The following QSOX1 variants were observed in gnomAD, a reference collection of about 807,000 sequenced individuals.
QSOX1 encodes sulfhydryl oxidase 1.
In QSOX1, 40 loss-of-function variants were observed where a neutral mutation model predicts 76.1. That is an observed-to-expected ratio of 0.53 (90% confidence interval 0.41 to 0.68). The LOEUF is 0.68. Ranked by LOEUF, QSOX1 falls within the 30% of genes least tolerant of loss-of-function variation. The pLI, the probability that QSOX1 is intolerant of heterozygous loss-of-function variation, is 0.00. For synonymous variants in QSOX1, 392 were observed against 413.1 expected, an observed-to-expected ratio of 0.95 and a Z score of 0.62; for missense variants, 931 against 974.3, an observed-to-expected ratio of 0.96 and a Z score of 0.59.
At chr1:180,181,374 G>A (rs1281900773) in intron 5 of QSOX1, among the ~76,000 whole-genome samples, 2 of 152,124 alleles carry the variant, frequency 1.3e-5, no homozygotes, top group Non-Finnish European at 2.9e-5. Context: ...CTAATGTGGG[G>A]ACATTGTCAT....
intron 2 of QSOX1, among the ~76,000 whole-genome samples, chr1:180,174,191 C>T (rs1662824957): frequency 1.3e-5 from 2 of 152,260 alleles, no homozygotes; most frequent in Admixed American, 6.5e-5. Flanking sequence ...GGCCGGCTTC[C>T]AGGACAACTC....
chr1:180,157,560 T>G (rs994421950), intron 1 of QSOX1, among the ~76,000 whole-genome samples: 9 of 152,158 alleles, frequency 5.9e-5, no homozygotes, highest in Non-Finnish European at 1.3e-4. Flanking sequence ...AGAAGAATTT[T>G]GCAGCCATAT....
At chr1:180,190,821 C>T (rs1490052771) in intron 10 of QSOX1, among the ~76,000 whole-genome samples, 2 of 152,170 alleles carry the variant, frequency 1.3e-5, no homozygotes, top group Admixed American at 6.5e-5. Flanking sequence ...GTCCTGTTTT[C>T]GGCCCCGGGA....
rs537508810 is a variant in QSOX1 at position 180,198,480 on chromosome 1, G to C, written c.*1443G>C. Reference sequence around the variant, plus strand: ...GCTGCTGATAATGAACCTCATTAAGGGGGAGCAGGAGCCTCAATCCGATTT... The same window carrying C: ...GCTGCTGATAATGAACCTCATTAAGCGGGAGCAGGAGCCTCAATCCGATTT... On this transcript the variant is annotated 3_prime_UTR_variant, in exon 12 of 12. Transcript: ENST00000367602. 1.6e-5 allele frequency: 7 copies of C among 436,452 alleles called. No individual in the cohort carries two copies. The highest frequency in any genetic ancestry group is 2.8e-5 in the Non-Finnish European group (6 of 211,496). The allele number at this position is 436,452 out of a possible 1,614,324, so 27.0% of individuals were successfully genotyped here.
chr1:180,155,289 T>A (rs1662350416), intron 1 of QSOX1, 117 bp downstream of exon 1: 1 of 970,954 alleles, frequency 1.0e-6, no homozygotes, highest in Non-Finnish European at 1.4e-6. Context: ...TCCGCCCACC[T>A]CTTCCTCTCC....
At chr1:180,175,599 G>A (rs1662869569) in intron 3 of QSOX1, among the ~76,000 whole-genome samples, 1 of 152,218 alleles carries the variant, frequency 6.6e-6, no homozygotes, top group African/African-American at 2.4e-5. Flanking sequence ...CTAGGGTCGG[G>A]GCAGGGGCAC....
At position 180,194,268 on chromosome 1, in the gene QSOX1, C is replaced by T. The variant is rs760506867; in HGVS notation, c.1344C>T (p.Gly448=). ...GAGGCTACGTGCACTACTTCTTCGG[C>T]TGCCGAGACTGCGCTAGCCACTTCG... ...AIRGYVHYFF[G]CRDCASHFEQ... Residue 448 remains glycine (G), a synonymous_variant, in exon 11 of 12, where the codon GGC becomes GGT. Coordinates refer to ENST00000367602, the MANE Select transcript of QSOX1 (RefSeq NM_002826.5). 1.9e-6 allele frequency: 3 copies of T among 1,613,140 alleles called. No individual in the cohort carries two copies. The highest frequency in any genetic ancestry group is 1.7e-4 in the Middle Eastern group (1 of 6,044).
intron 1 of QSOX1, among the ~76,000 whole-genome samples, chr1:180,156,301 G>A (rs1413182244): frequency 6.6e-6 from 1 of 152,194 alleles, no homozygotes; most frequent in Non-Finnish European, 1.5e-5. Flanking sequence ...CTGACTTGCT[G>A]CCTCTGAATG....
At chr1:180,192,172 A>C (rs1471717340) in intron 10 of QSOX1, among the ~76,000 whole-genome samples, 2 of 152,156 alleles carry the variant, frequency 1.3e-5, no homozygotes, top group Non-Finnish European at 2.9e-5. Flanking sequence ...AGCCCATAGC[A>C]CAGGCTGGAG....
At position 180,175,200 on chromosome 1, in the gene QSOX1, A is replaced by G. The variant is rs1406116774; in HGVS notation, c.367-121A>G. 13 of 896,180 alleles carry G rather than the reference A, an allele frequency of 1.5e-5. No individual in the cohort carries two copies. In the East Asian group the frequency reaches 3.2e-4, roughly 22 times the overall value. 55.5% of individuals were successfully genotyped at this position (896,180 alleles called of 1,614,324 possible). A position where few individuals can be genotyped will look rare whatever the true frequency, so the allele number is the denominator to read the frequency against. On this transcript the variant is annotated intron_variant, in intron 2 of 11. Transcript: ENST00000367602. ...AAAGAAAAAAGAAACAGGCTCAACA[A>G]CATTAAGTGATTTGCCCAGCCACCG...
rs1211054816 is a variant in QSOX1, at chr1:180,190,527, A to G, written c.1235A>G (p.His412Arg). 2 of 1,614,016 alleles carry G rather than the reference A, an allele frequency of 1.2e-6. No individual in the cohort carries two copies. The highest frequency in any genetic ancestry group is 1.7e-6 in the Non-Finnish European group (2 of 1,179,980). Residue 412 changes from histidine to arginine, a missense_variant, in exon 10 of 12, where the codon CAC becomes CGC. His to Arg is a conservative substitution (Grantham distance 29). Coordinates refer to ENST00000367602, the MANE Select transcript of QSOX1 (RefSeq NM_002826.5). ...CCCTGCTCCCTGTGGGTCCTCTTCCACTTCTTGACTGTGCAGGCAGCTCGG... is the reference window on the plus strand; with the variant it reads ...CCCTGCTCCCTGTGGGTCCTCTTCCGCTTCTTGACTGTGCAGGCAGCTCGG... Reference protein sequence around the residue: ...GFPCSLWVLFHFLTVQAARQN... With the variant: ...GFPCSLWVLFRFLTVQAARQN...
rs773294213 is a variant in QSOX1 at position 180,189,607 on chromosome 1, T to C, written c.1073T>C (p.Leu358Pro). The C allele has an allele frequency of 5.0e-6, 8 of 1,613,470 alleles. No individual in the cohort carries two copies. Among genetic ancestry groups the C allele is most frequent in the Non-Finnish European group, 6.8e-6 (8 of 1,179,654 alleles). ...QNFLHSVNEW[L>P]KRQKRNKIPY... is the part of the protein sequence containing the mutation. ...TTCCTGCACTCCGTGAATGAATGGC[T>C]CAAGAGGCAGAAGAGAAATAAAATT... Residue 358 changes from leucine to proline, a missense_variant, in exon 9 of 12, where the codon CTC (leucine) becomes CCC (proline). By Grantham distance (98) the Leu-to-Pro change is moderately conservative (BLOSUM62 -3). Coordinates refer to ENST00000367602, the MANE Select transcript of QSOX1 (RefSeq NM_002826.5).
chr1:180,196,293 G>A lies in QSOX1; in HGVS notation c.1500G>A (p.Lys500=). Residue 500 remains lysine (K), a synonymous_variant, in exon 12 of 12, where the codon AAG becomes AAA. Transcript: ENST00000367602. The surrounding 1 kb of genome is among the most constrained non-coding windows in gnomAD (Gnocchi z 4.1). ...GAPSEDPQFP[K]VQWPPRELCS... ...CCAGCGAGGACCCCCAGTTCCCCAA[G>A]GTGCAGTGGCCACCCCGTGAACTTT... 4.3e-6 allele frequency: 7 copies of A among 1,613,278 alleles called. No homozygotes were observed. Among genetic ancestry groups the A allele is most frequent in the Non-Finnish European group, 5.9e-6 (7 of 1,179,348 alleles).
At chr1:180,180,699 T>G (rs10913940) in intron 5 of QSOX1, among the ~76,000 whole-genome samples, 126,725 of 152,088 alleles carry the variant, frequency 0.83, 52,942 homozygotes, top group East Asian at 0.94. Context: ...ATATTTTTAG[T>G]AGAGACGGGG....
At position 180,190,553 on chromosome 1, in the gene QSOX1, C is replaced by A. The variant is rs1042530385; in HGVS notation, c.1261C>A (p.Gln421Lys). 12 of 1,613,990 alleles carry A rather than the reference C, an allele frequency of 7.4e-6. No homozygotes were observed. Among genetic ancestry groups the A allele is most frequent in the Non-Finnish European group, 9.3e-6 (11 of 1,179,990 alleles). Residue 421 changes from glutamine (Q) to lysine (K), a missense_variant, in exon 10 of 12, where the codon CAA becomes AAA. By Grantham distance (53) the Gln-to-Lys change is moderately conservative. Transcript: ENST00000367602. ...FHFLTVQAAR[Q>K]NVDHSQEAAK... is the part of the protein sequence containing the mutation. ...CTTCTTGACTGTGCAGGCAGCTCGG[C>A]AAAATGTAGACCACTCACAGGAAGC...
chr1:180,180,007 C>T (rs1287387843), intron 5 of QSOX1, among the ~76,000 whole-genome samples: 2 of 152,212 alleles, frequency 1.3e-5, no homozygotes, highest in African/African-American at 2.4e-5. Flanking sequence ...GGGCTGGGGT[C>T]CCAGTGGTTG....
intron 2 of QSOX1, among the ~76,000 whole-genome samples, 155 bp from the exon 3 acceptor site, chr1:180,175,166 A>G (rs547978392): frequency 7.3e-5 from 11 of 151,586 alleles, no homozygotes; most frequent in African/African-American, 1.2e-4. Context: ...CAAAAAAAAA[A>G]AAAGAAAGAA....
At chr1:180,166,092 AC>A (rs568069723) in intron 1 of QSOX1, among the ~76,000 whole-genome samples, 82 of 151,630 alleles carry the variant, frequency 5.4e-4, no homozygotes, top group African/African-American at 1.7e-3. Flanking sequence ...ACCCTCTGGA[AC>A]TGATCCCATT....
At chr1:180,194,834 C>T (rs1352800518) in intron 11 of QSOX1, among the ~76,000 whole-genome samples, 1 of 152,190 alleles carries the variant, frequency 6.6e-6, no homozygotes, top group Admixed American at 6.5e-5. Flanking sequence ...TTGCCCTCTG[C>T]GTTCCCTCAT....
Sources: gnomAD v4.1 joint callset for allele counts (sites outside exome capture counted in the v4.1 genomes callset) on GRCh38, gnomAD v4.1.1 for gene constraint, Gnocchi (gnomAD v3.1) non-coding constraint, MANE v1.5 for transcripts, NCBI Gene and HGNC (gene_info 2026-07-23, HGNC 2026-07-21) for gene names.